Variants in ZFP64 observed in about 807,000 individuals in gnomAD.
ZFP64 encodes zinc finger protein 64.
Under a neutral mutation model 51.6 loss-of-function variants are expected in ZFP64, and 14 were observed. The observed-to-expected ratio is 0.27, with a 90% CI of 0.18 to 0.42. The LOEUF is 0.42. ZFP64 is among the 10% of genes least tolerant of loss of function. The probability of loss-of-function intolerance (pLI) is 1.00; values close to 1 mark genes in which losing one functional copy is unlikely to be tolerated. For synonymous variants in ZFP64, 375 were observed against 361.4 expected, an observed-to-expected ratio of 1.04 and a Z score of -0.43; for missense variants, 754 against 906.8, an observed-to-expected ratio of 0.83 and a Z score of 2.16.
intron 5 of ZFP64, among the ~76,000 whole-genome samples, chr20:52,157,204 G>A (rs1333991749): frequency 1.3e-5 from 2 of 152,284 alleles, no homozygotes; most frequent in East Asian, 1.9e-4. Context: ...TGCCAAGTAT[G>A]TTCTCTCAGC....
intron 5 of ZFP64, chr20:52,117,669 C>T (rs1330142478): frequency 2.2e-6 from 1 of 456,680 alleles, no homozygotes; most frequent in Admixed American, 2.4e-5. Flanking sequence ...GTGACTTCTT[C>T]TATGAACAGT....
intron 8 of ZFP64, among the ~76,000 whole-genome samples, chr20:52,086,997 T>C (rs1359198852): frequency 1.3e-5 from 2 of 152,244 alleles, no homozygotes; most frequent in East Asian, 1.9e-4. Flanking sequence ...GGGAGTAAAA[T>C]CTTGAGTCCT....
chr20:52,175,148 G>T (rs1983082000), intron 2 of ZFP64, among the ~76,000 whole-genome samples: 1 of 152,064 alleles, frequency 6.6e-6, no homozygotes, highest in South Asian at 2.1e-4. Flanking sequence ...TTTGAGACAG[G>T]GTCTGGCTCT....
At chr20:52,149,005 G>A (rs1401223324), downstream of ZFP64, among the ~76,000 whole-genome samples, 1 of 152,162 alleles carries the variant, frequency 6.6e-6, no homozygotes, top group Non-Finnish European at 1.5e-5. Flanking sequence ...ACCAAAAGGA[G>A]GGAGTAAGAG....
chr20:52,125,549 T>C (rs751165762), intron 5 of ZFP64, among the ~76,000 whole-genome samples: 10 of 152,200 alleles, frequency 6.6e-5, no homozygotes, highest in Admixed American at 2.0e-4. Flanking sequence ...TCTCTTCCCA[T>C]AGTTTTGTGT....
chr20:52,152,240 G>A lies in ZFP64; in HGVS notation c.1952C>T (p.Ser651Phe). Residue 651 changes from serine to phenylalanine, a missense_variant, in exon 6 of 6, where the codon TCT becomes TTT. By Grantham distance (155) the Ser-to-Phe change is radical. Around this residue, in one of 3 missense-constraint regions of ZFP64, gnomAD observed 428 missense variants for 472.4 expected, o/e 0.91. Coordinates refer to ENST00000216923, the MANE Select transcript of ZFP64 (RefSeq NM_018197.3). ...CTGCTTGGGTAGTTCTTGCTGGGAA[G>A]AGGAGGAGAAGACCGGTGGCGCTGT... ...ATTAPPVFSS[S>F]SQQELPKQTY... The A allele has an allele frequency of 6.2e-7, 1 of 1,614,126 alleles. No individual in the cohort carries two copies. Among genetic ancestry groups the A allele is most frequent in the South Asian group, 1.1e-5 (1 of 91,076 alleles).
chr20:52,091,717 G>T (rs2078929151), intron 7 of ZFP64, among the ~76,000 whole-genome samples: 1 of 151,788 alleles, frequency 6.6e-6, no homozygotes. Context: ...GCTGGGCGCG[G>T]TGGCTCACGT....
chr20:52,099,827 A>C (rs1201028262), intron 5 of ZFP64, among the ~76,000 whole-genome samples: 1 of 152,234 alleles, frequency 6.6e-6, no homozygotes, highest in Non-Finnish European at 1.5e-5. Context: ...GGAAGGTTGA[A>C]CTAGGTGAAA....
chr20:52,183,382 T>G (rs1330653148), intron 2 of ZFP64, among the ~76,000 whole-genome samples: 1 of 152,158 alleles, frequency 6.6e-6, no homozygotes, highest in Non-Finnish European at 1.5e-5. Flanking sequence ...ATGGCTCCCA[T>G]CCACTGTGAG....
intron 2 of ZFP64, among the ~76,000 whole-genome samples, chr20:52,184,564 T>G (rs1008419866): frequency 6.6e-6 from 1 of 152,250 alleles, no homozygotes; most frequent in African/African-American, 2.4e-5. Flanking sequence ...CCAACTTTCC[T>G]CCTTTCCAAA....
intron 2 of ZFP64, 49 bp from the exon 3 acceptor site, chr20:52,166,074 C>G (rs17731537): frequency 0.023 from 35,612 of 1,539,484 alleles, 565 homozygotes; most frequent in South Asian, 0.047. Context: ...TGCCCGCTAG[C>G]TATGGTGTCT....
intron 5 of ZFP64, chr20:52,104,704 C>T (rs2122787353): frequency 2.1e-6 from 1 of 478,088 alleles, no homozygotes; most frequent in East Asian, 6.8e-5. Context: ...AACGTCCGCT[C>T]CTCGGTGAGG....
intron 2 of ZFP64, among the ~76,000 whole-genome samples, chr20:52,176,456 G>A (rs1265099959): frequency 6.6e-6 from 1 of 151,422 alleles, no homozygotes; most frequent in African/African-American, 2.4e-5. Flanking sequence ...CCTTTGAGCT[G>A]TACAGTCTGG....
chr20:52,185,013 T>C (rs969374124), intron 2 of ZFP64, among the ~76,000 whole-genome samples: 2 of 151,864 alleles, frequency 1.3e-5, no homozygotes, highest in Non-Finnish European at 2.9e-5. Context: ...TGTACATTTG[T>C]TTATGAAGTT....
chr20:52,171,098 G>T (rs1982678536), intron 2 of ZFP64, among the ~76,000 whole-genome samples: 1 of 152,192 alleles, frequency 6.6e-6, no homozygotes, highest in Non-Finnish European at 1.5e-5. Flanking sequence ...CAACAAAGGG[G>T]CATTGGGTGC....
chr20:52,098,419 C>T lies in ZFP64; in HGVS notation c.913+19G>A, dbSNP rs755060063. ...TGCTTGGCTCAGAAGCGGCTCAGCA[C>T]GCAGGGTTTTACTCTTACCTGGGTA... On this transcript the variant is annotated intron_variant, in intron 6 of 8. Coordinates refer to the ZFP64 transcript ENST00000361387. 276 of 1,612,986 alleles carry T rather than the reference C, an allele frequency of 1.7e-4. 2 individuals are homozygous for T. The highest frequency in any genetic ancestry group is 2.0e-4 in the Non-Finnish European group (238 of 1,179,478).
intron 3 of ZFP64, 37 bp downstream of exon 3, chr20:52,165,827 C>T (rs1181311273): frequency 1.2e-6 from 2 of 1,613,236 alleles, no homozygotes; most frequent in African/African-American, 1.3e-5. Context: ...TTAAATATCA[C>T]ACCCTCTACA....
At chr20:52,182,128 T>G (rs930799938) in intron 2 of ZFP64, among the ~76,000 whole-genome samples, 1 of 152,178 alleles carries the variant, frequency 6.6e-6, no homozygotes, top group Admixed American at 6.5e-5. Flanking sequence ...AACGCAATGA[T>G]GATTAGGTAT....
chr20:52,119,520 T>TAAA (rs11409645), intron 5 of ZFP64, among the ~76,000 whole-genome samples: 58 of 100,286 alleles, frequency 5.8e-4, no homozygotes, highest in Middle Eastern at 5.3e-3. Context: ...AGACTTCATC[T>TAAA]AAAAAAAAAA....
Sources: gnomAD v4.1 joint callset for allele counts (sites outside exome capture counted in the v4.1 genomes callset) on GRCh38, gnomAD v4.1.1 for gene constraint, gnomAD v4.1.1 regional missense constraint, MANE v1.5 for transcripts, NCBI Gene and HGNC (gene_info 2026-07-23, HGNC 2026-07-21) for gene names.